Variants in VTA1 observed in about 807,000 individuals in gnomAD.
VTA1 encodes the protein vesicle trafficking 1.
Under a neutral mutation model 36.9 loss-of-function variants are expected in VTA1, and 24 were observed. That is an observed-to-expected ratio of 0.65 (90% confidence interval 0.47 to 0.91). VTA1 has a LOEUF of 0.91. Among genes scored for constraint, VTA1 ranks in the 40% least tolerant of loss-of-function variants. The pLI is 0.00. For missense variants in VTA1, 393 were observed against 377.2 expected (o/e 1.04, Z -0.35); for synonymous variants, 142 against 130.2 (o/e 1.09, Z -0.62).
At chr6:142,198,095 TC>T (rs1554220865) in intron 5 of VTA1, among the ~76,000 whole-genome samples, 27 of 113,074 alleles carry the variant, frequency 2.4e-4, no homozygotes, top group African/African-American at 6.5e-4. Flanking sequence ...AGACTCCGTC[TC>T]AAAAAAAAAT....
intron 7 of VTA1, among the ~76,000 whole-genome samples, chr6:142,207,121 C>T (rs952170423): frequency 2.0e-5 from 3 of 152,162 alleles, no homozygotes; most frequent in Admixed American, 1.3e-4. Flanking sequence ...GAAATAGTTC[C>T]TGGGGCCACA....
At position 142,224,090 on chromosome 6, in the gene VTA1, TAAGGTTACATGAGATCATA is replaced by T. The variant is rs1195867736; in HGVS notation, c.*5453_*5471del. On this transcript the variant is annotated 3_prime_UTR_variant, in exon 8 of 8. Transcript: ENST00000367630. ...GAGGCAGGTCCCATAGGGAGGCAAT[TAAGGTTACATGAGATCATA>T]AAGGTGAGGCCCTAATCCTATAGGT... The T allele has an allele frequency of 2.0e-5, 3 of 152,094 alleles. No individual in the cohort carries two copies. Among genetic ancestry groups the T allele is most frequent in the Non-Finnish European group, 4.4e-5 (3 of 68,036 alleles). 9.4% of individuals were successfully genotyped at this position (152,094 alleles called of 1,614,324 possible).
intron 4 of VTA1, among the ~76,000 whole-genome samples, chr6:142,178,053 G>A (rs1336073235): frequency 1.1e-4 from 17 of 152,098 alleles, no homozygotes; most frequent in Admixed American, 1.1e-3. Context: ...TTTCCAAATT[G>A]AGTAAAAAAG....
intron 2 of VTA1, among the ~76,000 whole-genome samples, chr6:142,167,709 CA>C (rs1174376444): frequency 6.6e-6 from 1 of 152,184 alleles, no homozygotes; most frequent in Non-Finnish European, 1.5e-5. Flanking sequence ...GTTAACTACC[CA>C]AAATCAGCCT....
At chr6:142,175,686 G>C (rs868674315) in intron 4 of VTA1, among the ~76,000 whole-genome samples, 1 of 151,890 alleles carries the variant, frequency 6.6e-6, no homozygotes, top group African/African-American at 2.4e-5. Context: ...CCTTACACTT[G>C]TTTATATATA....
chr6:142,200,003 G>C (rs1437624217), intron 6 of VTA1, among the ~76,000 whole-genome samples: 1 of 152,058 alleles, frequency 6.6e-6, no homozygotes, highest in Non-Finnish European at 1.5e-5. Flanking sequence ...ATACTTGAAG[G>C]TTGAAATCCT....
chr6:142,205,144 C>G (rs1775765557), intron 7 of VTA1, among the ~76,000 whole-genome samples: 1 of 152,182 alleles, frequency 6.6e-6, no homozygotes, highest in African/African-American at 2.4e-5. Flanking sequence ...TCCTGCCTCT[C>G]AACCATGGAA....
chr6:142,203,467 TAA>T (rs1218020149), intron 6 of VTA1, among the ~76,000 whole-genome samples: 4 of 152,144 alleles, frequency 2.6e-5, no homozygotes, highest in Admixed American at 2.0e-4. Context: ...TCAAGAATGC[TAA>T]GTTATTCATT....
intron 2 of VTA1, among the ~76,000 whole-genome samples, chr6:142,168,202 A>G (rs1201575162): frequency 2.6e-5 from 4 of 152,218 alleles, no homozygotes; most frequent in Admixed American, 6.5e-5. Context: ...TTGTTCTACA[A>G]TGAAATCTGC....
At position 142,218,627 on chromosome 6, in the gene VTA1, C is replaced by A. The variant is rs762016322; in HGVS notation, c.908C>A (p.Thr303Lys). The A allele has an allele frequency of 6.2e-7, 1 of 1,609,918 alleles. No homozygotes were observed. Among genetic ancestry groups the A allele is most frequent in the African/African-American group, 1.3e-5 (1 of 74,656 alleles). ...QNLQKALKLLTTGRE is the reference protein window; with the variant it reads ...QNLQKALKLLKTGRE The stretch of plus-strand genomic sequence containing the variant: ...CTACAAAAGGCTCTCAAGTTACTGA[C>A]GACAGGCAGAGAATGAAGCCTTTGT... Residue 303 changes from threonine (T) to lysine (K), a missense_variant, in exon 8 of 8, where the codon ACG becomes AAG. Transcript: ENST00000367630.
At chr6:142,209,283 A>T (rs1219118389) in intron 7 of VTA1, among the ~76,000 whole-genome samples, 1 of 151,992 alleles carries the variant, frequency 6.6e-6, no homozygotes, top group African/African-American at 2.4e-5. Flanking sequence ...AAGCAATCCC[A>T]TTTACCATAG....
chr6:142,211,191 G>T (rs890207726), intron 7 of VTA1, among the ~76,000 whole-genome samples: 16 of 151,232 alleles, frequency 1.1e-4, no homozygotes, highest in African/African-American at 3.9e-4. Flanking sequence ...AGTGGAGGAT[G>T]AAAGTGGAAA....
chr6:142,149,440 G>T (rs1778522890), intron 1 of VTA1, among the ~76,000 whole-genome samples: 1 of 152,208 alleles, frequency 6.6e-6, no homozygotes, highest in African/African-American at 2.4e-5. Context: ...TCTGGTGGGT[G>T]TGAAATGGTG....
intron 7 of VTA1, among the ~76,000 whole-genome samples, chr6:142,210,863 A>G (rs928833595): frequency 3.3e-5 from 5 of 151,944 alleles, no homozygotes; most frequent in Admixed American, 1.3e-4. Flanking sequence ...AGAAATCTAC[A>G]CTCTCATGTT....
intron 1 of VTA1, among the ~76,000 whole-genome samples, chr6:142,150,184 G>T (rs1778540822): frequency 2.0e-5 from 3 of 152,058 alleles, no homozygotes; most frequent in Non-Finnish European, 4.4e-5. Context: ...ATGGATTTAT[G>T]TTTGCTGTTT....
At chr6:142,191,511 T>C (rs1775456096) in intron 5 of VTA1, among the ~76,000 whole-genome samples, 1 of 152,152 alleles carries the variant, frequency 6.6e-6, no homozygotes, top group African/African-American at 2.4e-5. Flanking sequence ...CTAAATAGAT[T>C]ATTAAATGTA....
chr6:142,208,975 A>G (rs1270345096), intron 7 of VTA1, among the ~76,000 whole-genome samples: 1 of 152,228 alleles, frequency 6.6e-6, no homozygotes, highest in Non-Finnish European at 1.5e-5. Flanking sequence ...TACTATGTAT[A>G]TAATTTTTTA....
intron 4 of VTA1, among the ~76,000 whole-genome samples, chr6:142,182,141 C>T (rs1480332091): frequency 6.6e-6 from 1 of 152,140 alleles, no homozygotes; most frequent in African/African-American, 2.4e-5. Context: ...CTTTGAAAAT[C>T]TTATGAAAGC....
At position 142,147,296 on chromosome 6, in the gene VTA1, G is replaced by C; in HGVS notation, c.9G>C (p.Ala3=). The part of the protein sequence containing the change: MA[A]LAPLPPLPAQ... ...GTGAGTTCGGAGTAGAGATGGCCGC[G>C]CTTGCACCGCTGCCCCCGCTCCCCG... The change falls in exon 1 of 8, where the codon GCG becomes GCC. Residue 3 remains alanine (A), a synonymous_variant. Coordinates refer to ENST00000367630, the MANE Select transcript of VTA1 (RefSeq NM_016485.5). The C allele has an allele frequency of 6.2e-7, 1 of 1,614,196 alleles. No homozygotes were observed. Among genetic ancestry groups the C allele is most frequent in the Non-Finnish European group, 8.5e-7 (1 of 1,180,036 alleles).
Sources: gnomAD v4.1 joint callset for allele counts (sites outside exome capture counted in the v4.1 genomes callset) on GRCh38, gnomAD v4.1.1 for gene constraint, MANE v1.5 for transcripts, NCBI Gene and HGNC (gene_info 2026-07-23, HGNC 2026-07-21) for gene names.